The following AFG1L variants were observed in gnomAD, a reference collection of about 807,000 sequenced individuals.
AFG1L encodes the protein AFG1 like ATPase.
In AFG1L, 53 loss-of-function variants were observed where a neutral mutation model predicts 62.2. That is an observed-to-expected ratio of 0.85 (90% CI 0.68 to 1.07). The LOEUF is 1.07. Ranked by LOEUF, AFG1L falls within the 50% of genes least tolerant of loss-of-function variation. The pLI is 0.00. For synonymous variants in AFG1L, 228 were observed against 210.3 expected (o/e 1.08, Z -0.73); for missense variants, 555 against 590.5 (o/e 0.94, Z 0.62).
chr6:108,301,489 T>C (rs1030830628), intron 1 of AFG1L, among the ~76,000 whole-genome samples: 8 of 152,230 alleles, frequency 5.3e-5, no homozygotes, highest in Admixed American at 4.6e-4. Flanking sequence ...TGCCTAACTA[T>C]TAGGGTCTCT....
At chr6:108,386,722 T>A (rs1780782181) in intron 6 of AFG1L, among the ~76,000 whole-genome samples, 1 of 152,196 alleles carries the variant, frequency 6.6e-6, no homozygotes, top group Admixed American at 6.5e-5. Flanking sequence ...CTTATAGAGT[T>A]TATAGTGTAT....
At chr6:108,410,716 C>A (rs1448502582) in intron 7 of AFG1L, among the ~76,000 whole-genome samples, 2 of 152,084 alleles carry the variant, frequency 1.3e-5, no homozygotes, top group African/African-American at 2.4e-5. Flanking sequence ...TTCTTCCGAT[C>A]TGTAAGTCAG....
chr6:108,311,530 G>C lies in AFG1L; in HGVS notation c.140-12295G>C, dbSNP rs147845495. Among the ~76,000 whole-genome samples, 9 of 151,894 alleles carry C rather than the reference G, an allele frequency of 5.9e-5. No homozygotes were observed. The East Asian group carries it at 1.2e-3, about 20-fold the overall frequency. Reference sequence around the variant, plus strand: ...TTTTTTGCTTGTTTGTTTTGTTTTTGTTTTTCTTTTTTTTGAGATAGATGT... The same window carrying C: ...TTTTTTGCTTGTTTGTTTTGTTTTTCTTTTTCTTTTTTTTGAGATAGATGT... On this transcript the variant is annotated intron_variant, in intron 1 of 12. Transcript: ENST00000368977.
At chr6:108,406,757 AT>A (rs1582535140) in intron 7 of AFG1L, among the ~76,000 whole-genome samples, 1 of 152,100 alleles carries the variant, frequency 6.6e-6, no homozygotes, top group East Asian at 1.9e-4. Flanking sequence ...CTTTTTTCAA[AT>A]TGGGCAACAT....
At chr6:108,374,663 G>C (rs1402711464) in intron 6 of AFG1L, among the ~76,000 whole-genome samples, 1 of 152,032 alleles carries the variant, frequency 6.6e-6, no homozygotes, top group Non-Finnish European at 1.5e-5. Flanking sequence ...TTATTTCTGT[G>C]TTCCTTATTT....
At chr6:108,389,342 C>A (rs1780939069) in intron 6 of AFG1L, among the ~76,000 whole-genome samples, 1 of 152,114 alleles carries the variant, frequency 6.6e-6, no homozygotes, top group Non-Finnish European at 1.5e-5. Context: ...ATTTGCCAGT[C>A]TGTGTCTTTT....
At chr6:108,514,235 C>T (rs1321683010) in intron 11 of AFG1L, among the ~76,000 whole-genome samples, 7 of 152,168 alleles carry the variant, frequency 4.6e-5, no homozygotes, top group African/African-American at 1.4e-4. Context: ...GGCAGCTCCT[C>T]GCTAGCAACG....
intron 7 of AFG1L, among the ~76,000 whole-genome samples, chr6:108,441,112 A>G (rs533465340): frequency 6.6e-6 from 1 of 152,266 alleles, no homozygotes; most frequent in East Asian, 1.9e-4. Flanking sequence ...TTTGCTTAAG[A>G]GGTTAGTATG....
intron 7 of AFG1L, among the ~76,000 whole-genome samples, chr6:108,443,805 G>A (rs949388085): frequency 6.6e-6 from 1 of 151,764 alleles, no homozygotes; most frequent in Non-Finnish European, 1.5e-5. Flanking sequence ...AACCTAAGAG[G>A]AGAAGGTTGC....
chr6:108,392,794 T>C (rs921422543), intron 6 of AFG1L, among the ~76,000 whole-genome samples: 3 of 152,156 alleles, frequency 2.0e-5, no homozygotes, highest in African/African-American at 7.2e-5. Flanking sequence ...TATTGTGTGA[T>C]AATTTATAGG....
intron 6 of AFG1L, among the ~76,000 whole-genome samples, chr6:108,384,194 C>T (rs1477412246): frequency 6.6e-6 from 1 of 152,076 alleles, no homozygotes; most frequent in Non-Finnish European, 1.5e-5. Context: ...TGCATTGATA[C>T]CTGCTATTCT....
At chr6:108,393,381 A>G (rs1781143815) in intron 6 of AFG1L, among the ~76,000 whole-genome samples, 1 of 152,138 alleles carries the variant, frequency 6.6e-6, no homozygotes, top group African/African-American at 2.4e-5. Context: ...TGTTCTATAA[A>G]AACCTAAAGG....
At chr6:108,509,640 T>A (rs1175422417) in intron 10 of AFG1L, among the ~76,000 whole-genome samples, 4 of 152,182 alleles carry the variant, frequency 2.6e-5, no homozygotes, top group Admixed American at 2.6e-4. Flanking sequence ...ATTCTTTAAC[T>A]CCCCACCGCA....
At chr6:108,419,883 A>G (rs1770511151) in intron 7 of AFG1L, among the ~76,000 whole-genome samples, 1 of 152,190 alleles carries the variant, frequency 6.6e-6, no homozygotes, top group Non-Finnish European at 1.5e-5. Flanking sequence ...AACTTGTTTG[A>G]TTATAACCCT....
At chr6:108,330,182 A>ATTTT (rs71015542) in intron 2 of AFG1L, among the ~76,000 whole-genome samples, 3 of 132,514 alleles carry the variant, frequency 2.3e-5, no homozygotes, top group Admixed American at 7.9e-5. Flanking sequence ...TTCCTTTTTT[A>ATTTT]TTTTTTTTTT....
chr6:108,363,362 T>TCC (rs1005176230), intron 5 of AFG1L, among the ~76,000 whole-genome samples: 3 of 152,078 alleles, frequency 2.0e-5, no homozygotes, highest in African/African-American at 7.2e-5. Flanking sequence ...TTTCTGCTCT[T>TCC]CCCCCTCCTC....
intron 11 of AFG1L, among the ~76,000 whole-genome samples, chr6:108,513,926 A>T: frequency 6.6e-6 from 1 of 152,318 alleles, no homozygotes; most frequent in East Asian, 1.9e-4. Context: ...TTCCAGAGGA[A>T]CGATCAGGCA....
At chr6:108,329,453 C>A (rs1778187706) in intron 2 of AFG1L, among the ~76,000 whole-genome samples, 1 of 151,890 alleles carries the variant, frequency 6.6e-6, no homozygotes, top group Non-Finnish European at 1.5e-5. Flanking sequence ...CGCCCACCAC[C>A]ACGCCTGGCT....
chr6:108,295,089 T>C lies in AFG1L; in HGVS notation c.10T>C (p.Ser4Pro). 6.2e-7 allele frequency: 1 copy of C among 1,611,268 alleles called. No individual in the cohort carries two copies. Among genetic ancestry groups the C allele is most frequent in the Non-Finnish European group, 8.5e-7 (1 of 1,179,988 alleles). Residue 4 changes from serine (S) to proline (P), a missense_variant, in exon 1 of 13, where the codon TCC becomes CCC. Ser to Pro is a moderately conservative substitution (Grantham distance 74). Transcript: ENST00000368977. ...TCGTACGGAGTTCAAGATGGCGGCC[T>C]CCTGGTCGCTCTTGGTTACCCTGCG... The part of the protein sequence containing the change: MAA[S>P]WSLLVTLRPL...
Sources: allele counts gnomAD v4.1 joint callset (sites outside exome capture counted in the v4.1 genomes callset), GRCh38; gene constraint gnomAD v4.1.1; transcripts MANE v1.5; gene names NCBI Gene and HGNC (gene_info 2026-07-23, HGNC 2026-07-21).